Variants in DENND2B observed in about 807,000 individuals in gnomAD.
DENND2B encodes DENN domain-containing protein 2B.
DENND2B carries 32 observed loss-of-function variants against 116.0 expected under a neutral mutation model. The observed-to-expected ratio is 0.28, with a 90% CI of 0.21 to 0.37. The LOEUF (loss-of-function observed/expected upper bound fraction) is 0.37. Ranked by LOEUF, DENND2B falls within the 10% of genes least tolerant of loss-of-function variation. The pLI, the probability that DENND2B is intolerant of heterozygous loss-of-function variation, is 1.00. For missense variants in DENND2B, 1,276 were observed against 1,477.7 expected (o/e 0.86, Z 2.24); for synonymous variants, 588 against 583.9 (o/e 1.01, Z -0.10).
rs1187187608 is a variant in DENND2B at position 8,697,454 on chromosome 11, C to T, written c.3052+71G>A. ...TTGGTGTGCAGAGGCAGAGTTCTGG[C>T]CCTATGGGGCCCTGACCCAGAGCAG... On this transcript the variant is annotated intron_variant, in intron 17 of 19. Transcript: ENST00000313726. 4 of 1,214,532 alleles carry T rather than the reference C, an allele frequency of 3.3e-6. No individual in the cohort carries two copies. The South Asian group carries it at 3.6e-5, about 11-fold the overall frequency. 75.2% of individuals were successfully genotyped at this position (1,214,532 alleles called of 1,614,324 possible).
intron 2 of DENND2B, among the ~76,000 whole-genome samples, chr11:8,859,894 C>G (rs1020107162): frequency 6.6e-6 from 1 of 152,100 alleles, no homozygotes; most frequent in Non-Finnish European, 1.5e-5. Context: ...TCTCTTCTTT[C>G]CTGGAAATTT....
intron 1 of DENND2B, among the ~76,000 whole-genome samples, chr11:8,908,012 G>A (rs757096884): frequency 1.3e-5 from 2 of 152,104 alleles, no homozygotes; most frequent in Non-Finnish European, 2.9e-5. Context: ...CTCTTTATGT[G>A]GGCTAACAGA....
intron 2 of DENND2B, among the ~76,000 whole-genome samples, chr11:8,868,926 C>T (rs897885092): frequency 2.6e-5 from 4 of 152,204 alleles, no homozygotes; most frequent in Admixed American, 1.3e-4. Context: ...CCGCCCAGGA[C>T]GGCTCTGAGT....
chr11:8,802,848 C>G (rs1374480548), intron 1 of DENND2B, among the ~76,000 whole-genome samples: 1 of 152,206 alleles, frequency 6.6e-6, no homozygotes. Flanking sequence ...TTACTAAAGG[C>G]TGAGGCCTCC....
intron 1 of DENND2B, among the ~76,000 whole-genome samples, chr11:8,807,281 C>T (rs750472990): frequency 1.3e-5 from 2 of 152,222 alleles, no homozygotes; most frequent in Non-Finnish European, 2.9e-5. Flanking sequence ...CCCAACTGCC[C>T]CACAGGGAGG....
At chr11:8,704,864 T>G (rs192200447) in intron 13 of DENND2B, among the ~76,000 whole-genome samples, 157 of 149,544 alleles carry the variant, frequency 1.0e-3, no homozygotes, top group African/African-American at 3.1e-3. Context: ...CACCTGGCAA[T>G]TTTTTTTTTG....
intron 4 of DENND2B, among the ~76,000 whole-genome samples, chr11:8,827,601 C>T (rs1315838859): frequency 6.6e-6 from 1 of 152,216 alleles, no homozygotes; most frequent in African/African-American, 2.4e-5. Flanking sequence ...AGACAGTTAC[C>T]AAGTTACCAC....
chr11:8,791,208 G>A (rs2059348585), intron 1 of DENND2B, among the ~76,000 whole-genome samples: 1 of 152,138 alleles, frequency 6.6e-6, no homozygotes, highest in African/African-American at 2.4e-5. Context: ...GCTCATCAAA[G>A]CAGGTAAAAT....
chr11:8,845,356 A>T (rs1013244513), intron 3 of DENND2B: 1 of 152,192 alleles, frequency 6.6e-6, no homozygotes, highest in African/African-American at 2.4e-5. Flanking sequence ...GGAGAAGTAA[A>T]ATAAATTTTG....
At chr11:8,757,091 C>T (rs1231934238) in intron 1 of DENND2B, 5 of 456,280 alleles carry the variant, frequency 1.1e-5, no homozygotes, top group Admixed American at 4.7e-5. Flanking sequence ...CAGGCACAGT[C>T]GCAGGCCCCG....
intron 1 of DENND2B, among the ~76,000 whole-genome samples, chr11:8,902,056 G>A (rs529908061): frequency 2.4e-4 from 36 of 152,208 alleles, no homozygotes; most frequent in Admixed American, 8.5e-4. Flanking sequence ...GGCTGGGCAC[G>A]GTGGCTCATG....
intron 19 of DENND2B, chr11:8,694,621 A>C (rs1025457812): frequency 2.2e-6 from 1 of 456,454 alleles, no homozygotes; most frequent in South Asian, 1.5e-5. Context: ...CATATCCATG[A>C]GTTCTGCGTC....
intron 1 of DENND2B, chr11:8,757,083 G>C (rs765638417): frequency 4.4e-6 from 2 of 456,304 alleles, no homozygotes; most frequent in South Asian, 3.1e-5. Flanking sequence ...CAGACAAACA[G>C]GCACAGTCGC....
At chr11:8,736,021 C>A (rs572177236) in intron 2 of DENND2B, among the ~76,000 whole-genome samples, 15 of 152,320 alleles carry the variant, frequency 9.8e-5, no homozygotes, top group African/African-American at 3.6e-4. Context: ...AAGGGCAGGG[C>A]CTGCCTTCGG....
intron 1 of DENND2B, among the ~76,000 whole-genome samples, chr11:8,778,877 A>C (rs1328610234): frequency 6.6e-6 from 1 of 152,216 alleles, no homozygotes; most frequent in Non-Finnish European, 1.5e-5. Flanking sequence ...TCCTCCCCAG[A>C]CTCAAGACTC....
At chr11:8,770,407 T>G (rs1365892740) in intron 1 of DENND2B, among the ~76,000 whole-genome samples, 1 of 152,166 alleles carries the variant, frequency 6.6e-6, no homozygotes. Context: ...AATCAACAAT[T>G]AGTAGTCACT....
chr11:8,728,011 A>C (rs1323486065), intron 3 of DENND2B, among the ~76,000 whole-genome samples: 1 of 136,596 alleles, frequency 7.3e-6, no homozygotes, highest in Non-Finnish European at 1.5e-5. Context: ...ACACACACGC[A>C]AATTTTTTTG....
intron 13 of DENND2B, 119 bp downstream of exon 13, chr11:8,706,966 A>T: frequency 3.1e-6 from 4 of 1,309,186 alleles, no homozygotes. Context: ...GGGTACACAG[A>T]CATGGTTGAG....
rs1261463907 is a variant in DENND2B at position 8,909,263 on chromosome 11, G to A, written c.-256+1558C>T. ...TTTAAAAAATTTGCAGGGCGTGGTG[G>A]CTGAAGAAGAGGATCGCTTGAGCCC... On this transcript the variant is annotated intron_variant, in intron 1 of 22. Transcript: ENST00000534127. Among the ~76,000 whole-genome samples, 5 of 152,172 alleles carry A rather than the reference G, an allele frequency of 3.3e-5. No homozygotes were observed. In the East Asian group the frequency reaches 9.6e-4, roughly 29 times the overall value.
Sources: allele counts gnomAD v4.1 joint callset (sites outside exome capture counted in the v4.1 genomes callset), GRCh38; gene constraint gnomAD v4.1.1; transcripts MANE v1.5; gene names NCBI Gene and HGNC (gene_info 2026-07-23, HGNC 2026-07-21).